CDH13: variants seen among roughly 807,000 people sequenced by gnomAD.
The protein encoded by CDH13 is cadherin 13, also known as cadherin-13.
CDH13 carries 24 observed loss-of-function variants against 63.8 expected under a neutral mutation model. That is an observed-to-expected ratio of 0.38 (90% CI 0.27 to 0.53). The LOEUF is 0.53. Ranked by LOEUF, CDH13 falls within the 20% of genes least tolerant of loss-of-function variation. The pLI is 0.85. For missense variants in CDH13, 1,049 were observed against 903.1 expected (o/e 1.16, Z -2.07); for synonymous variants, 503 against 355.3 (o/e 1.42, Z -4.67).
At chr16:83,306,142 G>C (rs913596285) in intron 5 of CDH13, among the ~76,000 whole-genome samples, 2 of 152,196 alleles carry the variant, frequency 1.3e-5, no homozygotes, top group Non-Finnish European at 2.9e-5. Flanking sequence ...TTCCCTGGCT[G>C]GGGAAGGTGG....
At chr16:83,203,822 A>G (rs1235074208) in intron 4 of CDH13, among the ~76,000 whole-genome samples, 1 of 152,186 alleles carries the variant, frequency 6.6e-6, no homozygotes, top group African/African-American at 2.4e-5. Flanking sequence ...GCAAGTTAGC[A>G]AGAGAGTAAG....
At chr16:82,677,463 T>TTTTTTG (rs1914063931) in intron 1 of CDH13, among the ~76,000 whole-genome samples, 1 of 147,750 alleles carries the variant, frequency 6.8e-6, no homozygotes, top group South Asian at 2.2e-4. Context: ...TTTTTTTTTT[T>TTTTTTG]GGTTTTTAAC....
At chr16:83,248,540 A>G (rs909112010) in intron 5 of CDH13, among the ~76,000 whole-genome samples, 4 of 150,708 alleles carry the variant, frequency 2.7e-5, no homozygotes, top group Non-Finnish European at 4.4e-5. Flanking sequence ...TAGTAGATCA[A>G]GAAGATTTCT....
chr16:83,262,110 G>T (rs991834230), intron 5 of CDH13, among the ~76,000 whole-genome samples: 6 of 152,154 alleles, frequency 3.9e-5, no homozygotes, highest in African/African-American at 1.4e-4. Context: ...AAACATCCAG[G>T]TGGAAGACAC....
chr16:83,006,834 A>G (rs1223826500), intron 2 of CDH13, among the ~76,000 whole-genome samples: 1 of 152,234 alleles, frequency 6.6e-6, no homozygotes, highest in Non-Finnish European at 1.5e-5. Context: ...CACTGAAGTA[A>G]GGAACAATGT....
intron 10 of CDH13, among the ~76,000 whole-genome samples, chr16:83,742,715 C>T (rs964616217): frequency 2.0e-5 from 3 of 152,140 alleles, no homozygotes; most frequent in Admixed American, 1.3e-4. Flanking sequence ...CCCTCCACAT[C>T]GGGAACGATG....
At chr16:83,713,449 G>T (rs1908378555) in intron 10 of CDH13, among the ~76,000 whole-genome samples, 1 of 151,524 alleles carries the variant, frequency 6.6e-6, no homozygotes, top group Non-Finnish European at 1.5e-5. Context: ...GGGAGATTTT[G>T]AAGGGGGAAA....
At chr16:82,870,566 T>A (rs1182359067) in intron 2 of CDH13, among the ~76,000 whole-genome samples, 1 of 152,148 alleles carries the variant, frequency 6.6e-6, no homozygotes, top group Non-Finnish European at 1.5e-5. Context: ...TAAAATCTAG[T>A]ATTTTGTAGC....
At chr16:82,962,200 T>C (rs1907123487) in intron 2 of CDH13, among the ~76,000 whole-genome samples, 1 of 152,152 alleles carries the variant, frequency 6.6e-6, no homozygotes, top group Non-Finnish European at 1.5e-5. Flanking sequence ...AGTGGCCTTG[T>C]AAGAGTCATA....
chr16:82,898,106 A>G (rs559828386), intron 2 of CDH13, among the ~76,000 whole-genome samples: 74 of 152,374 alleles, frequency 4.9e-4, no homozygotes, highest in African/African-American at 1.6e-3. Context: ...AATCTCATGA[A>G]TAGTTTTTAT....
At chr16:83,063,442 G>C (rs1701820996) in intron 3 of CDH13, among the ~76,000 whole-genome samples, 1 of 152,136 alleles carries the variant, frequency 6.6e-6, no homozygotes, top group Non-Finnish European at 1.5e-5. Context: ...ATGAAGATTG[G>C]CAAGGAATGT....
chr16:83,321,818 C>T (rs1456154935), intron 5 of CDH13, among the ~76,000 whole-genome samples: 3 of 152,122 alleles, frequency 2.0e-5, no homozygotes, highest in Non-Finnish European at 4.4e-5. Flanking sequence ...GTGAGCTCTG[C>T]GCCGGGCCAG....
rs1248680889 is a variant in CDH13, at chr16:82,793,737, A to G, written c.46-64625A>G. Among the ~76,000 whole-genome samples, 7 of 152,176 alleles carry G rather than the reference A, an allele frequency of 4.6e-5. 1 individual carries two copies. On this transcript the variant is annotated intron_variant, in intron 1 of 13. Transcript: ENST00000567109. ...TGTGCTGCTCGAGATGCTTGCAATC[A>G]ACAGGGCGCTCCCCAAGCTCTGAAT...
intron 3 of CDH13, among the ~76,000 whole-genome samples, chr16:83,040,445 G>A (rs530147146): frequency 3.3e-5 from 5 of 152,254 alleles, no homozygotes; most frequent in South Asian, 2.1e-4. Flanking sequence ...GTCTGTGGCC[G>A]AAGGCCCCAG....
chr16:82,695,438 C>T (rs1215484782), intron 1 of CDH13, among the ~76,000 whole-genome samples: 1 of 152,146 alleles, frequency 6.6e-6, no homozygotes, highest in Non-Finnish European at 1.5e-5. Flanking sequence ...TCGATCTGTT[C>T]CTATATCTCT....
intron 1 of CDH13, among the ~76,000 whole-genome samples, chr16:82,631,546 T>C (rs1908010167): frequency 1.3e-5 from 2 of 152,208 alleles, no homozygotes; most frequent in African/African-American, 2.4e-5. Flanking sequence ...CCCATGCACC[T>C]GTGAGAATCT....
intron 7 of CDH13, among the ~76,000 whole-genome samples, chr16:83,520,299 A>T (rs1007468751): frequency 2.6e-5 from 4 of 152,228 alleles, no homozygotes; most frequent in Admixed American, 2.0e-4. Context: ...TCCATCGTTT[A>T]TGAAGTTCAA....
rs921024415 is a variant in CDH13 at position 83,501,909 on chromosome 16, T to G, written c.960+15254T>G. Among the ~76,000 whole-genome samples the G allele has an allele frequency of 3.3e-5, 5 of 152,352 alleles. No individual in the cohort carries two copies. In the East Asian group the frequency reaches 5.8e-4, roughly 18 times the overall value. On this transcript the variant is annotated intron_variant, in intron 7 of 13. Transcript: ENST00000567109. ...AGCTTGATTGAGTTTCCCTCAGCTC[T>G]TCCATTAGAAAGCCCATGTGGTACA...
intron 1 of CDH13, among the ~76,000 whole-genome samples, chr16:82,841,174 G>T (rs570675669): frequency 2.0e-5 from 3 of 152,216 alleles, no homozygotes; most frequent in Non-Finnish European, 4.4e-5. Flanking sequence ...GCTCAAAGCT[G>T]TCCCAAATCC....
Sources: gnomAD v4.1 joint callset for allele counts (sites outside exome capture counted in the v4.1 genomes callset) on GRCh38, gnomAD v4.1.1 for gene constraint, MANE v1.5 for transcripts, NCBI Gene and HGNC (gene_info 2026-07-23, HGNC 2026-07-21) for gene names.